The following TCF12 variants were observed in gnomAD, a reference collection of about 807,000 sequenced individuals.
TCF12 encodes the protein DNA-binding protein HTF4.
In TCF12, 45 loss-of-function variants were observed where a neutral mutation model predicts 86.0. That is an observed-to-expected ratio of 0.52 (90% CI 0.41 to 0.67). The LOEUF is 0.67. Ranked by LOEUF, TCF12 falls within the 30% of genes least tolerant of loss-of-function variation. The pLI is 0.00. For missense variants in TCF12, 881 were observed against 859.9 expected, an observed-to-expected ratio of 1.02 and a Z score of -0.31; for synonymous variants, 330 against 299.6, an observed-to-expected ratio of 1.10 and a Z score of -1.05.
intron 3 of TCF12, among the ~76,000 whole-genome samples, chr15:57,002,594 G>A (rs1168412396): frequency 3.3e-5 from 5 of 152,026 alleles, no homozygotes; most frequent in African/African-American, 1.2e-4. Context: ...GACAGTTATC[G>A]GTCAAGCATG....
chr15:57,130,219 A>G (rs1449988654), intron 5 of TCF12, among the ~76,000 whole-genome samples: 1 of 152,138 alleles, frequency 6.6e-6, no homozygotes, highest in Non-Finnish European at 1.5e-5. Flanking sequence ...CATGACCACC[A>G]AAGACTGTTT....
intron 8 of TCF12, among the ~76,000 whole-genome samples, chr15:57,200,044 G>T (rs1380159720): frequency 1.0e-4 from 14 of 134,636 alleles, no homozygotes; most frequent in Admixed American, 4.0e-4. Context: ...ACCACGGCTG[G>T]CTTTTTTTTT....
intron 5 of TCF12, chr15:57,129,851 G>C (rs1360350582): frequency 6.6e-6 from 1 of 152,196 alleles, no homozygotes; most frequent in Non-Finnish European, 1.5e-5. Flanking sequence ...TCATCTTACA[G>C]TTAGCTTGTG....
chr15:57,138,305 G>A (rs1463824358), intron 5 of TCF12, among the ~76,000 whole-genome samples: 1 of 152,168 alleles, frequency 6.6e-6, no homozygotes, highest in African/African-American at 2.4e-5. Flanking sequence ...CTTCTCTACA[G>A]CTGAGCCTGG....
intron 3 of TCF12, among the ~76,000 whole-genome samples, chr15:56,925,903 A>G (rs993406955): frequency 6.6e-6 from 1 of 152,230 alleles, no homozygotes; most frequent in Non-Finnish European, 1.5e-5. Context: ...TGCTTTGTTA[A>G]ATAGTTGTGC....
chr15:56,996,933 A>T (rs2063747758), intron 3 of TCF12, among the ~76,000 whole-genome samples: 2 of 152,240 alleles, frequency 1.3e-5, no homozygotes, highest in African/African-American at 2.4e-5. Context: ...ATACCATTTC[A>T]TACCAGTCAG....
intron 3 of TCF12, among the ~76,000 whole-genome samples, chr15:56,924,400 T>C (rs2059916299): frequency 6.6e-6 from 1 of 152,184 alleles, no homozygotes; most frequent in Non-Finnish European, 1.5e-5. Flanking sequence ...TGGAGTAAGC[T>C]TTTCAAATTG....
intron 3 of TCF12, among the ~76,000 whole-genome samples, chr15:56,976,454 GT>G (rs1162503409): frequency 4.0e-5 from 6 of 151,370 alleles, no homozygotes; most frequent in African/African-American, 1.2e-4. Flanking sequence ...AGCCAGGATG[GT>G]CTCGATCTCC....
At chr15:57,167,991 G>A (rs1314710666) in intron 6 of TCF12, among the ~76,000 whole-genome samples, 2 of 152,154 alleles carry the variant, frequency 1.3e-5, no homozygotes, top group African/African-American at 4.8e-5. Context: ...TAGCAAGTAT[G>A]GTTGACATCA....
At chr15:57,086,571 A>G (rs75241871) in intron 4 of TCF12, among the ~76,000 whole-genome samples, 1 of 152,088 alleles carries the variant, frequency 6.6e-6, no homozygotes, top group Admixed American at 6.5e-5. Context: ...TTTAATAAGT[A>G]GGAGCCGTGC....
At chr15:57,170,040 A>T (rs960198442) in intron 6 of TCF12, among the ~76,000 whole-genome samples, 1 of 152,224 alleles carries the variant, frequency 6.6e-6, no homozygotes, top group Non-Finnish European at 1.5e-5. Flanking sequence ...TGAACTAAAC[A>T]TAATCACATT....
intron 19 of TCF12, chr15:57,282,209 A>G: frequency 3.7e-6 from 2 of 539,538 alleles, no homozygotes; most frequent in Non-Finnish European, 6.5e-6. Context: ...AATCAAATCA[A>G]ACCCTAGAAA....
At chr15:57,011,683 G>T (rs1423894517) in intron 3 of TCF12, among the ~76,000 whole-genome samples, 3 of 151,930 alleles carry the variant, frequency 2.0e-5, no homozygotes, top group Non-Finnish European at 4.4e-5. Flanking sequence ...CCCCTAATTT[G>T]CAGACACCAA....
intron 3 of TCF12, among the ~76,000 whole-genome samples, chr15:56,931,432 A>G (rs1299020412): frequency 6.6e-6 from 1 of 152,136 alleles, no homozygotes; most frequent in Non-Finnish European, 1.5e-5. Flanking sequence ...TTTTGTATAT[A>G]TAAGAAGCAT....
intron 13 of TCF12, among the ~76,000 whole-genome samples, chr15:57,250,029 T>G (rs1450204726): frequency 1.3e-5 from 2 of 152,164 alleles, no homozygotes; most frequent in African/African-American, 4.8e-5. Context: ...AACTTGTATC[T>G]TTTCTTTTTC....
At chr15:57,244,657 C>T (rs560403294) in intron 13 of TCF12, among the ~76,000 whole-genome samples, 3 of 152,124 alleles carry the variant, frequency 2.0e-5, no homozygotes, top group South Asian at 4.2e-4. Context: ...GATGGAGTTT[C>T]ACCATGTTGG....
chr15:57,204,354 G>A (rs1396337856), intron 8 of TCF12, among the ~76,000 whole-genome samples: 1 of 151,994 alleles, frequency 6.6e-6, no homozygotes, highest in African/African-American at 2.4e-5. Flanking sequence ...GAGATGCTAA[G>A]GCAGGAGTAT....
rs144813975 is a variant in TCF12, at chr15:57,114,791, G to GT, written c.325+22904dup. On this transcript the variant is annotated intron_variant, in intron 5 of 20. Transcript: ENST00000333725. The stretch of plus-strand genomic sequence containing the variant: ...TTGGTTTCACAATATAGTTGGTTGA[G>GT]TTTTAAGTTGTTGTATATCTTTGGC... Among the ~76,000 whole-genome samples, 202 of 152,236 alleles carry GT rather than the reference G, an allele frequency of 1.3e-3. 1 individual carries two copies. The highest frequency in any genetic ancestry group is 4.5e-3 in the African/African-American group (187 of 41,526).
intron 4 of TCF12, among the ~76,000 whole-genome samples, chr15:57,070,610 A>G (rs1469880362): frequency 6.6e-6 from 1 of 152,250 alleles, no homozygotes; most frequent in African/African-American, 2.4e-5. Flanking sequence ...CCTGCCAGAT[A>G]TGGCTAAAGG....
Sources: gnomAD v4.1 joint callset for allele counts (sites outside exome capture counted in the v4.1 genomes callset) on GRCh38, gnomAD v4.1.1 for gene constraint, MANE v1.5 for transcripts, NCBI Gene and HGNC (gene_info 2026-07-23, HGNC 2026-07-21) for gene names.